The following CNTN1 variants were observed in gnomAD, a reference collection of about 807,000 sequenced individuals.
CNTN1 encodes contactin-1.
CNTN1 carries 38 observed loss-of-function variants against 126.4 expected under a neutral mutation model. The ratio of observed to expected loss-of-function variants is 0.30; its 90% confidence interval spans 0.23 to 0.39. The LOEUF (loss-of-function observed/expected upper bound fraction) is 0.39, where lower values mean the gene tolerates loss of function less well. Ranked by LOEUF, CNTN1 falls within the 10% of genes least tolerant of loss-of-function variation. The pLI, the probability that CNTN1 is intolerant of heterozygous loss-of-function variation, is 1.00. For missense variants in CNTN1, 1,009 were observed against 1,248.4 expected, an observed-to-expected ratio of 0.81 and a Z score of 2.89; for synonymous variants, 413 against 422.6, an observed-to-expected ratio of 0.98 and a Z score of 0.28.
rs1565989995 is a variant in CNTN1, at chr12:40,937,649, A to G, written c.1190A>G (p.Tyr397Cys). 6.2e-7 allele frequency: 1 copy of G among 1,612,374 alleles called. No homozygotes were observed. Among genetic ancestry groups the G allele is most frequent in the Non-Finnish European group, 8.5e-7 (1 of 1,178,528 alleles). Reference sequence around the variant, plus strand: ...TATCAGTGCATAGCTGAAAACACATATGGAGCCATTTATGCAAATGCTGAG... The same window carrying G: ...TATCAGTGCATAGCTGAAAACACATGTGGAGCCATTTATGCAAATGCTGAG... ...GMYQCIAENT[Y>C]GAIYANAELK... Residue 397 changes from tyrosine to cysteine, a missense_variant, in exon 11 of 24, where the codon TAT becomes TGT. Tyr to Cys is a radical substitution (Grantham distance 194). Transcript: ENST00000551295.
chr12:40,939,552 G>T, intron 12 of CNTN1, 67 bp downstream of exon 12: 3 of 1,541,358 alleles, frequency 1.9e-6, no homozygotes, highest in Non-Finnish European at 2.7e-6. Flanking sequence ...TAGAAGACTT[G>T]TTTATATGTT....
chr12:40,935,812 G>A (rs929519053), intron 9 of CNTN1, among the ~76,000 whole-genome samples: 10 of 151,944 alleles, frequency 6.6e-5, no homozygotes, highest in Non-Finnish European at 1.5e-5. Context: ...CATGTATAAT[G>A]TATACATTAT....
At chr12:41,049,300 G>C (rs902876933) in intron 23 of CNTN1, among the ~76,000 whole-genome samples, 3 of 152,206 alleles carry the variant, frequency 2.0e-5, no homozygotes, top group Admixed American at 1.3e-4. Flanking sequence ...TCAAATGTCA[G>C]TCTTCTCTGA....
intron 1 of CNTN1, among the ~76,000 whole-genome samples, chr12:40,697,135 G>A (rs1941470161): frequency 6.6e-6 from 1 of 152,080 alleles, no homozygotes; most frequent in Non-Finnish European, 1.5e-5. Context: ...TGACACCTTA[G>A]AAGTTACCCA....
chr12:40,971,144 G>A (rs1363707308), intron 15 of CNTN1, among the ~76,000 whole-genome samples: 6 of 152,114 alleles, frequency 3.9e-5, no homozygotes, highest in Non-Finnish European at 8.8e-5. Flanking sequence ...AAGGATCCAC[G>A]AGATTTGTTT....
chr12:40,966,014 AC>A (rs1947296384), intron 15 of CNTN1, among the ~76,000 whole-genome samples: 1 of 151,016 alleles, frequency 6.6e-6, no homozygotes, highest in Admixed American at 6.6e-5. Context: ...ACACACACAC[AC>A]ACACACACAC....
At position 40,945,565 on chromosome 12, in the gene CNTN1, C is replaced by A. The variant is rs561031161; in HGVS notation, c.1683+1395C>A. ...AAGTCTATGTAAATAAATTTGCAGA[C>A]AAAAATTGCCCTAAACTGAAACTTC... On this transcript the variant is annotated intron_variant, in intron 14 of 23. Coordinates refer to ENST00000551295, the MANE Select transcript of CNTN1 (RefSeq NM_001843.4). Among the ~76,000 whole-genome samples, 3 of 151,426 alleles carry A rather than the reference C, an allele frequency of 2.0e-5. No individual in the cohort carries two copies. In the East Asian group the frequency reaches 5.8e-4, roughly 29 times the overall value.
chr12:40,777,952 C>T (rs17128788), intron 1 of CNTN1, among the ~76,000 whole-genome samples: 7,763 of 151,858 alleles, frequency 0.051, 255 homozygotes, highest in East Asian at 0.07. Context: ...CTCAAAAGCA[C>T]ATCATGACAA....
intron 1 of CNTN1, among the ~76,000 whole-genome samples, chr12:40,838,611 C>G (rs1038041686): frequency 6.6e-6 from 1 of 152,170 alleles, no homozygotes; most frequent in Admixed American, 6.5e-5. Flanking sequence ...CCCAGCATAA[C>G]TTCACCACAG....
At chr12:40,925,842 G>GTATATA (rs769314764) in intron 6 of CNTN1, among the ~76,000 whole-genome samples, 3 of 129,198 alleles carry the variant, frequency 2.3e-5, no homozygotes, top group African/African-American at 9.3e-5. Context: ...ATGTGTGTGT[G>GTATATA]TGTATATATA....
chr12:40,748,867 T>C (rs777931097), intron 1 of CNTN1, among the ~76,000 whole-genome samples: 1 of 152,120 alleles, frequency 6.6e-6, no homozygotes, highest in Non-Finnish European at 1.5e-5. Flanking sequence ...AGAAAATGCT[T>C]TGACAATAAG....
intron 1 of CNTN1, among the ~76,000 whole-genome samples, chr12:40,697,177 C>G (rs112153767): frequency 6.6e-6 from 1 of 152,284 alleles, no homozygotes; most frequent in Non-Finnish European, 1.5e-5. Flanking sequence ...AGCCTCATAA[C>G]ACTTACTGCC....
At chr12:40,712,284 C>T (rs898446849) in intron 1 of CNTN1, among the ~76,000 whole-genome samples, 2 of 152,104 alleles carry the variant, frequency 1.3e-5, no homozygotes, top group Non-Finnish European at 2.9e-5. Flanking sequence ...TTTCATTTAT[C>T]TTCTATTCCT....
At chr12:40,927,916 T>A (rs1279698749) in intron 6 of CNTN1, among the ~76,000 whole-genome samples, 1 of 151,952 alleles carries the variant, frequency 6.6e-6, no homozygotes, top group Non-Finnish European at 1.5e-5. Flanking sequence ...TTCACACATC[T>A]CTTATGAGTG....
At chr12:40,908,580 A>C in intron 2 of CNTN1, 87 bp downstream of exon 2, 1 of 1,007,216 alleles carries the variant, frequency 9.9e-7, no homozygotes, top group Non-Finnish European at 1.5e-6. Flanking sequence ...TGAAGTAAAA[A>C]TTCTTATTTT....
At chr12:41,060,183 A>C (rs183833569) in intron 23 of CNTN1, among the ~76,000 whole-genome samples, 16 of 152,316 alleles carry the variant, frequency 1.1e-4, no homozygotes, top group African/African-American at 3.4e-4. Context: ...GCCAGTCTCC[A>C]CAAAAAAAGA....
chr12:41,056,187 A>G (rs751638631), intron 23 of CNTN1, among the ~76,000 whole-genome samples: 1 of 152,132 alleles, frequency 6.6e-6, no homozygotes, highest in Non-Finnish European at 1.5e-5. Flanking sequence ...CTATAATAAT[A>G]CAAAGAGCCA....
At chr12:40,923,601 T>A (rs951225992) in intron 5 of CNTN1, among the ~76,000 whole-genome samples, 15 of 152,302 alleles carry the variant, frequency 9.8e-5, no homozygotes, top group Admixed American at 5.2e-4. Flanking sequence ...AGAAACATTC[T>A]GTTCTCATTA....
chr12:40,949,017 A>G lies in CNTN1; in HGVS notation c.1683+4847A>G, dbSNP rs116121862. ...TACCATTCAAGAGAGAAGAAGACAG[A>G]TTTCTCACCCAAACGTTATTTTCCT... is the stretch of plus-strand genomic sequence containing the variant. On this transcript the variant is annotated intron_variant, in intron 14 of 23. Coordinates refer to ENST00000551295, the MANE Select transcript of CNTN1 (RefSeq NM_001843.4). Among the ~76,000 whole-genome samples, 985 of 152,256 alleles carry G rather than the reference A, an allele frequency of 6.5e-3. 11 individuals carry two copies. The highest frequency in any genetic ancestry group is 0.022 in the African/African-American group (902 of 41,562).
Sources: gnomAD v4.1 joint callset for allele counts (sites outside exome capture counted in the v4.1 genomes callset) on GRCh38, gnomAD v4.1.1 for gene constraint, MANE v1.5 for transcripts, NCBI Gene and HGNC (gene_info 2026-07-23, HGNC 2026-07-21) for gene names.